HSPA12A: variants seen among roughly 807,000 people sequenced by gnomAD.
HSPA12A encodes the protein heat shock protein family A (Hsp70) member 12A, also known as heat shock 70 kDa protein 12A.
A neutral mutation model predicts 69.2 loss-of-function variants in HSPA12A; 28 were observed. The ratio of observed to expected loss-of-function variants is 0.40; its 90% CI spans 0.30 to 0.55. HSPA12A has a LOEUF of 0.55. HSPA12A is among the 20% of genes least tolerant of loss of function. The pLI is 0.38. For synonymous variants in HSPA12A, 345 were observed against 370.5 expected (o/e 0.93, Z 0.79); for missense variants, 686 against 900.7 (o/e 0.76, Z 3.05).
At chr10:116,742,996 G>C (rs1554887490), upstream of HSPA12A, among the ~76,000 whole-genome samples, 2 of 152,260 alleles carry the variant, frequency 1.3e-5, no homozygotes, top group African/African-American at 4.8e-5. Flanking sequence ...ACCAGCTTCT[G>C]TCTGTCCCCC....
Position 116,734,760 on chromosome 10 carries a change from G to A in HSPA12A, c.40+7670C>T, listed in dbSNP as rs544899773. The stretch of plus-strand genomic sequence containing the variant: ...TGTAATCCCAGCACTTTGGGAGGCC[G>A]AGGAGGGCAGATCACAAGGTCAGGA... On this transcript the variant is annotated intron_variant, in intron 1 of 11. Coordinates refer to ENST00000369209, the MANE Select transcript of HSPA12A (RefSeq NM_025015.3). Among the ~76,000 whole-genome samples the A allele has an allele frequency of 4.0e-5, 6 of 151,508 alleles. No individual in the cohort carries two copies. In the East Asian group the frequency reaches 5.9e-4, roughly 15 times the overall value.
At chr10:116,778,562 T>C (rs1456024474) in intron 2 of HSPA12A, among the ~76,000 whole-genome samples, 1 of 152,194 alleles carries the variant, frequency 6.6e-6, no homozygotes, top group Non-Finnish European at 1.5e-5. Context: ...TAGTCATTCC[T>C]GTCAGCACAT....
chr10:116,735,562 C>T (rs1043711313), intron 1 of HSPA12A, among the ~76,000 whole-genome samples: 39 of 152,270 alleles, frequency 2.6e-4, no homozygotes, highest in African/African-American at 8.9e-4. Flanking sequence ...CAGCACCAAC[C>T]CCCAGACCTG....
At chr10:116,681,944 T>A in intron 7 of HSPA12A, 67 bp from the exon 8 acceptor site, 1 of 1,436,618 alleles carries the variant, frequency 7.0e-7, no homozygotes, top group Non-Finnish European at 9.8e-7. Flanking sequence ...TCATTTGCAG[T>A]CAGTGAAGGC....
chr10:116,786,214 A>G (rs1844573901), intron 2 of HSPA12A, among the ~76,000 whole-genome samples: 1 of 152,234 alleles, frequency 6.6e-6, no homozygotes, highest in African/African-American at 2.4e-5. Flanking sequence ...GGGCTGAGAC[A>G]CAGTGGTAAA....
intron 2 of HSPA12A, among the ~76,000 whole-genome samples, chr10:116,775,101 C>T (rs1019818508): frequency 7.5e-5 from 11 of 147,474 alleles, no homozygotes; most frequent in African/African-American, 2.4e-4. Flanking sequence ...GGCACAGGTG[C>T]CCCCAAGGGA....
At chr10:116,683,598 C>T in intron 7 of HSPA12A, 193 bp downstream of exon 7, 1 of 429,168 alleles carries the variant, frequency 2.3e-6, no homozygotes, top group Non-Finnish European at 4.0e-6. Context: ...GGTAACCATG[C>T]CTCCATTTAT....
chr10:116,723,100 C>T lies in HSPA12A; in HGVS notation c.41-15815G>A, dbSNP rs2133029897. 6.6e-6 allele frequency among the ~76,000 whole-genome samples: 1 copy of T among 152,268 alleles called. No individual in the cohort carries two copies. Among genetic ancestry groups the T allele is most frequent in the East Asian group, 1.9e-4 (1 of 5,168 alleles). ...CACTGGATCACATCACAACCACCAC[C>T]ATCATCATGTCACTCCCAGCCTCAA... On this transcript the variant is annotated intron_variant, in intron 1 of 11. Transcript: ENST00000369209. This position sits in a 1 kb window ranked among gnomAD's most constrained non-coding sequence, Gnocchi z 4.1.
At chr10:116,771,662 G>A (rs1554890509) in intron 2 of HSPA12A, among the ~76,000 whole-genome samples, 1 of 152,224 alleles carries the variant, frequency 6.6e-6, no homozygotes, top group Non-Finnish European at 1.5e-5. Flanking sequence ...TGTTTACCAG[G>A]AGCCCAGGGA....
chr10:116,678,279 C>T (rs1375354937), intron 10 of HSPA12A, among the ~76,000 whole-genome samples: 2 of 146,012 alleles, frequency 1.4e-5, no homozygotes, highest in Non-Finnish European at 3.0e-5. Flanking sequence ...GAACCACCAC[C>T]CGTAAGGCAG....
At chr10:116,751,009 TGAA>T (rs367768494) in intron 2 of HSPA12A, among the ~76,000 whole-genome samples, 3,117 of 129,192 alleles carry the variant, frequency 0.024, 79 homozygotes, top group African/African-American at 0.069. Flanking sequence ...AGGAAGAACA[TGAA>T]GAAGAAGAAG....
intron 2 of HSPA12A, among the ~76,000 whole-genome samples, chr10:116,769,918 C>A (rs190403239): frequency 2.6e-5 from 4 of 152,324 alleles, no homozygotes; most frequent in Non-Finnish European, 5.9e-5. Context: ...GCTTAAAATT[C>A]TTTCCGCCTT....
At chr10:116,692,565 T>C (rs1416086199) in intron 5 of HSPA12A, 98 bp from the exon 6 acceptor site, 2 of 867,208 alleles carry the variant, frequency 2.3e-6, no homozygotes, top group Non-Finnish European at 1.9e-6. Flanking sequence ...TGCCATGAGC[T>C]CTTCAGGAGC....
intron 2 of HSPA12A, among the ~76,000 whole-genome samples, chr10:116,819,280 T>C (rs998467135): frequency 6.6e-6 from 1 of 152,216 alleles, no homozygotes; most frequent in Non-Finnish European, 1.5e-5. Context: ...TTAGATTCCC[T>C]GGGTCCCCTG....
At chr10:116,795,711 TAAATAAAATTACTTGGTAAGA>T (rs1844806759) in intron 2 of HSPA12A, among the ~76,000 whole-genome samples, 2 of 147,024 alleles carry the variant, frequency 1.4e-5, no homozygotes, top group African/African-American at 5.0e-5. Context: ...AAAATTATAG[TAAATAAAATTACTTGGTAAGA>T]GGATGAAATT....
intron 1 of HSPA12A, chr10:116,707,927 C>G (rs1403229170): frequency 6.5e-6 from 1 of 154,996 alleles, no homozygotes; most frequent in Non-Finnish European, 1.4e-5. Context: ...AAAAGGCAGA[C>G]AGATCAGCAT....
At chr10:116,681,338 C>A in intron 8 of HSPA12A, 82 bp from the exon 9 acceptor site, 6 of 1,093,674 alleles carry the variant, frequency 5.5e-6, no homozygotes, top group Non-Finnish European at 8.4e-6. Context: ...ACTAGGTAGA[C>A]CCAGCTAAGT....
chr10:116,811,891 C>T (rs1053638972), intron 2 of HSPA12A, among the ~76,000 whole-genome samples: 5 of 152,124 alleles, frequency 3.3e-5, no homozygotes, highest in African/African-American at 9.7e-5. Flanking sequence ...GATTCCAGGG[C>T]GGGCCTCCAT....
chr10:116,693,490 T>A (rs1415379662), intron 5 of HSPA12A, among the ~76,000 whole-genome samples: 1 of 152,338 alleles, frequency 6.6e-6, no homozygotes. Context: ...CAAAGACCTC[T>A]GATAAATGCC....
Sources: allele counts gnomAD v4.1 joint callset (sites outside exome capture counted in the v4.1 genomes callset), GRCh38; gene constraint gnomAD v4.1.1; non-coding constraint Gnocchi (gnomAD v3.1); transcripts MANE v1.5; gene names NCBI Gene and HGNC (gene_info 2026-07-23, HGNC 2026-07-21).